The following FSTL5 variants were observed in gnomAD, a reference collection of about 807,000 sequenced individuals.
FSTL5 encodes follistatin like 5.
A neutral mutation model predicts 89.1 loss-of-function variants in FSTL5; 62 were observed. The observed-to-expected ratio is 0.70, with a 90% CI of 0.57 to 0.86. The LOEUF (loss-of-function observed/expected upper bound fraction) is 0.86, where lower values mean the gene tolerates loss of function less well. Ranked by LOEUF, FSTL5 falls within the 40% of genes least tolerant of loss-of-function variation. FSTL5 has a pLI of 0.00. For synonymous variants in FSTL5, 383 were observed against 346.2 expected, an observed-to-expected ratio of 1.11 and a Z score of -1.18; for missense variants, 1,057 against 1,001.6, an observed-to-expected ratio of 1.06 and a Z score of -0.75.
At chr4:162,004,381 T>G (rs1228200127) in intron 3 of FSTL5, among the ~76,000 whole-genome samples, 1 of 152,222 alleles carries the variant, frequency 6.6e-6, no homozygotes, top group East Asian at 1.9e-4. Context: ...TGCAATTTAC[T>G]ATTATAGCTG....
intron 7 of FSTL5, among the ~76,000 whole-genome samples, chr4:161,607,148 A>G (rs1195521861): frequency 6.6e-6 from 1 of 152,182 alleles, no homozygotes; most frequent in African/African-American, 2.4e-5. Flanking sequence ...GAGTCTGAAG[A>G]CTGTCAATTA....
At position 161,575,581 on chromosome 4, in the gene FSTL5, G is replaced by A. The variant is rs985616560; in HGVS notation, c.1015+11874C>T. The stretch of plus-strand genomic sequence containing the variant: ...TGAATCTCCTGCCTCAGCCTCCCTA[G>A]TAGCTGGGATTACAGGCACCTGCTA... On this transcript the variant is annotated intron_variant, in intron 8 of 15. Coordinates refer to ENST00000306100, the MANE Select transcript of FSTL5 (RefSeq NM_020116.5). Among the ~76,000 whole-genome samples the A allele has an allele frequency of 1.1e-4, 16 of 151,918 alleles. 1 individual carries two copies. The highest frequency in any genetic ancestry group is 1.0e-3 in the Admixed American group (16 of 15,242).
chr4:161,658,304 GA>G, intron 6 of FSTL5, among the ~76,000 whole-genome samples: 1 of 150,914 alleles, frequency 6.6e-6, no homozygotes, highest in African/African-American at 2.4e-5. Context: ...ACTAAAAATA[GA>G]AAAAAAAGCC....
chr4:161,807,967 G>C (rs933095016), intron 4 of FSTL5, among the ~76,000 whole-genome samples: 10 of 152,070 alleles, frequency 6.6e-5, no homozygotes, highest in Admixed American at 6.6e-4. Context: ...GAAATCAAAA[G>C]GCAAAGAGCA....
chr4:162,025,867 CT>C (rs953922388), intron 3 of FSTL5, among the ~76,000 whole-genome samples: 3 of 151,852 alleles, frequency 2.0e-5, no homozygotes, highest in East Asian at 1.9e-4. Context: ...GAATTGCAAA[CT>C]TTTTTATATG....
chr4:161,584,644 T>C (rs1733545803), intron 8 of FSTL5, among the ~76,000 whole-genome samples: 1 of 152,182 alleles, frequency 6.6e-6, no homozygotes, highest in Non-Finnish European at 1.5e-5. Context: ...CTTTCCTTTC[T>C]CTCTTGAATT....
chr4:161,516,442 T>A (rs1003889567), intron 10 of FSTL5, among the ~76,000 whole-genome samples: 1 of 148,218 alleles, frequency 6.7e-6, no homozygotes, highest in Admixed American at 6.8e-5. Context: ...ATGTCCTTAG[T>A]ATGTCTGTGT....
chr4:161,502,601 T>A (rs1024553630), intron 11 of FSTL5, among the ~76,000 whole-genome samples: 1 of 151,922 alleles, frequency 6.6e-6, no homozygotes, highest in African/African-American at 2.4e-5. Context: ...GCTTATGAAA[T>A]AAAACTTTTC....
chr4:161,575,698 C>T (rs953891822), intron 8 of FSTL5, among the ~76,000 whole-genome samples: 1 of 152,138 alleles, frequency 6.6e-6, no homozygotes, highest in African/African-American at 2.4e-5. Flanking sequence ...GTGATCCACC[C>T]ACCTTGGTCT....
intron 6 of FSTL5, among the ~76,000 whole-genome samples, chr4:161,721,049 CG>C (rs1560808241): frequency 4.6e-5 from 7 of 151,702 alleles, no homozygotes; most frequent in Non-Finnish European, 1.5e-5. Context: ...GAGGCTGAGG[CG>C]GGTGGATCAT....
At chr4:161,662,110 T>C (rs1210006124) in intron 6 of FSTL5, among the ~76,000 whole-genome samples, 1 of 152,142 alleles carries the variant, frequency 6.6e-6, no homozygotes, top group African/African-American at 2.4e-5. Flanking sequence ...ATGGAGTGTG[T>C]CCATCTCTGT....
chr4:161,429,838 C>T (rs1732292729), intron 15 of FSTL5, among the ~76,000 whole-genome samples: 1 of 152,106 alleles, frequency 6.6e-6, no homozygotes, highest in Admixed American at 6.5e-5. Context: ...ATGCCCAGAA[C>T]ATTGGCAAGC....
chr4:162,091,907 T>C lies in FSTL5; in HGVS notation c.126+19364A>G, dbSNP rs960122167. 3.3e-5 allele frequency among the ~76,000 whole-genome samples: 5 copies of C among 151,374 alleles called. 1 individual carries two copies. Among genetic ancestry groups the C allele is most frequent in the African/African-American group, 4.8e-5 (2 of 41,332 alleles). ...ATATATTCCTCTATAAGGTAATCTATAGAATATATGTATATTTTATATTTT... is the reference window on the plus strand; with the variant it reads ...ATATATTCCTCTATAAGGTAATCTACAGAATATATGTATATTTTATATTTT... On this transcript the variant is annotated intron_variant, in intron 2 of 15. Coordinates refer to ENST00000306100, the MANE Select transcript of FSTL5 (RefSeq NM_020116.5).
chr4:162,026,167 A>C (rs1295631124), intron 3 of FSTL5, among the ~76,000 whole-genome samples: 1 of 151,936 alleles, frequency 6.6e-6, no homozygotes, highest in African/African-American at 2.4e-5. Context: ...TCTTTCATAA[A>C]GGCCAACCAT....
intron 7 of FSTL5, among the ~76,000 whole-genome samples, chr4:161,638,172 T>A (rs1578986176): frequency 6.6e-6 from 1 of 151,584 alleles, no homozygotes; most frequent in South Asian, 2.1e-4. Flanking sequence ...CTTGAAGAGA[T>A]CCTTCACATC....
chr4:161,867,384 T>A (rs1463195921), intron 4 of FSTL5, among the ~76,000 whole-genome samples: 1 of 151,918 alleles, frequency 6.6e-6, no homozygotes, highest in African/African-American at 2.4e-5. Flanking sequence ...AAACACTTTC[T>A]GCATGATGGA....
intron 3 of FSTL5, among the ~76,000 whole-genome samples, chr4:162,006,789 TA>T: frequency 6.6e-6 from 1 of 152,086 alleles, no homozygotes; most frequent in Non-Finnish European, 1.5e-5. Flanking sequence ...GAAGAAAATA[TA>T]AACCAGTTCC....
intron 4 of FSTL5, among the ~76,000 whole-genome samples, chr4:161,867,567 T>C (rs1180016260): frequency 6.6e-6 from 1 of 151,724 alleles, no homozygotes; most frequent in Non-Finnish European, 1.5e-5. Context: ...AAAATAAGTG[T>C]GTTAATTTTT....
At chr4:161,416,245 T>C (rs116495630) in intron 15 of FSTL5, among the ~76,000 whole-genome samples, 6,444 of 152,274 alleles carry the variant, frequency 0.042, 193 homozygotes, top group Non-Finnish European at 0.068. Flanking sequence ...TATTGTCAGA[T>C]TGCCATGGCT....
Sources: allele counts gnomAD v4.1 joint callset (sites outside exome capture counted in the v4.1 genomes callset), GRCh38; gene constraint gnomAD v4.1.1; transcripts MANE v1.5; gene names NCBI Gene and HGNC (gene_info 2026-07-23, HGNC 2026-07-21).